IQCE: variants seen among roughly 807,000 people sequenced by gnomAD.
IQCE encodes the protein IQ domain-containing protein E.
IQCE carries 115 observed loss-of-function variants against 96.0 expected under a neutral mutation model. That is an observed-to-expected ratio of 1.20 (90% CI 1.03 to 1.40). The LOEUF is 1.40. Among genes scored for constraint, IQCE ranks in the 40% most tolerant of loss-of-function variants. The pLI, the probability that IQCE is intolerant of heterozygous loss-of-function variation, is 0.00. For synonymous variants in IQCE, 412 were observed against 371.2 expected (o/e 1.11, Z -1.26); for missense variants, 1,041 against 909.1 (o/e 1.15, Z -1.87).
chr7:2,588,414 C>T (rs1269141145), intron 13 of IQCE, among the ~76,000 whole-genome samples: 4 of 150,148 alleles, frequency 2.7e-5, no homozygotes, highest in Non-Finnish European at 5.9e-5. Flanking sequence ...AGTGCAGTGG[C>T]GCGATCTCAG....
At chr7:2,608,354 A>G (rs376491465) in intron 21 of IQCE, among the ~76,000 whole-genome samples, 1 of 152,202 alleles carries the variant, frequency 6.6e-6, no homozygotes, top group East Asian at 1.9e-4. Context: ...GGGTCCCGCT[A>G]GGGGCTGTGT....
intron 21 of IQCE, 122 bp from the exon 22 acceptor site, chr7:2,609,922 C>G: frequency 3.0e-6 from 2 of 656,996 alleles, no homozygotes; most frequent in Admixed American, 4.9e-5. Flanking sequence ...CCATGGCTTA[C>G]TGCTTCTCGG....
chr7:2,606,313 C>T (rs62439498), intron 20 of IQCE, among the ~76,000 whole-genome samples: 15,119 of 152,170 alleles, frequency 0.099, 1,041 homozygotes, highest in Non-Finnish European at 0.14. Context: ...AGTCTGTGGC[C>T]TGGCTTTTGG....
intron 9 of IQCE, among the ~76,000 whole-genome samples, chr7:2,583,055 C>T (rs905705363): frequency 2.6e-5 from 4 of 152,276 alleles, no homozygotes; most frequent in Admixed American, 6.5e-5. Context: ...GCCACACGTC[C>T]ATTGCCTTAT....
chr7:2,614,669 C>G lies in IQCE; in HGVS notation c.*4507C>G, dbSNP rs1467808478. On this transcript the variant is annotated 3_prime_UTR_variant, in exon 22 of 22. Transcript: ENST00000402050. ...TTTTGGAAGGGATAAGGTTTTCATT[C>G]TTGTGCAACTCATTATTCTCATTAT... The G allele has an allele frequency of 6.6e-6, 1 of 152,192 alleles. No homozygotes were observed. Among genetic ancestry groups the G allele is most frequent in the East Asian group, 1.9e-4 (1 of 5,204 alleles). 9.4% of individuals were successfully genotyped at this position (152,192 alleles called of 1,614,324 possible).
intron 15 of IQCE, among the ~76,000 whole-genome samples, chr7:2,593,991 G>A (rs896431180): frequency 6.6e-6 from 1 of 152,366 alleles, no homozygotes; most frequent in Middle Eastern, 3.4e-3. Flanking sequence ...GCCGGGCACA[G>A]TGGCTCATGC....
chr7:2,605,057 T>C lies in IQCE; in HGVS notation c.1743+66T>C. 1.9e-5 allele frequency: 22 copies of C among 1,160,274 alleles called. No homozygotes were observed. The Admixed American group carries it at 3.1e-4, about 16-fold the overall frequency. The allele number at this position is 1,160,274 out of a possible 1,614,324, so 71.9% of individuals were successfully genotyped here. On this transcript the variant is annotated intron_variant, in intron 19 of 21. Coordinates refer to ENST00000402050, the MANE Select transcript of IQCE (RefSeq NM_152558.5). ...AGCTGCTCGTCTCGCACTCCATCCA[T>C]CGAGAAAGCGTAGGGCACCCCTCAG... is the stretch of plus-strand genomic sequence containing the variant.
At chr7:2,604,835 C>T (rs374469755) in intron 18 of IQCE, 46 bp from the exon 19 acceptor site, 20 of 1,460,766 alleles carry the variant, frequency 1.4e-5, no homozygotes, top group African/African-American at 8.4e-5. Flanking sequence ...GCCGTTGCCC[C>T]GGGCACTCAC....
intron 13 of IQCE, 52 bp downstream of exon 13, chr7:2,587,929 G>C: frequency 6.5e-7 from 1 of 1,536,410 alleles, no homozygotes; most frequent in Non-Finnish European, 9.0e-7. Context: ...GCCTCATGCT[G>C]TGGGGACGGG....
intron 16 of IQCE, among the ~76,000 whole-genome samples, chr7:2,595,295 G>A (rs910053792): frequency 6.6e-6 from 1 of 152,188 alleles, no homozygotes; most frequent in Non-Finnish European, 1.5e-5. Context: ...GAGGGGCTTG[G>A]GGGGAAAGGA....
chr7:2,586,494 A>C, intron 12 of IQCE, 123 bp downstream of exon 12: 1 of 1,076,464 alleles, frequency 9.3e-7, no homozygotes, highest in Non-Finnish European at 1.3e-6. Context: ...CCCTTGGGCA[A>C]CGCCAGTTCC....
chr7:2,586,631 A>T (rs910772405), intron 12 of IQCE, among the ~76,000 whole-genome samples: 2 of 152,202 alleles, frequency 1.3e-5, no homozygotes, highest in Admixed American at 6.5e-5. Flanking sequence ...CAGATGCGTG[A>T]CATGTGTCAG....
chr7:2,607,473 C>G, intron 21 of IQCE: 9 of 1,307,352 alleles, frequency 6.9e-6, no homozygotes, highest in Non-Finnish European at 8.7e-6. Context: ...TTTTTGCTCT[C>G]AGCTCCAACA....
chr7:2,593,549 G>A (rs1488950812), intron 15 of IQCE, among the ~76,000 whole-genome samples: 7 of 152,282 alleles, frequency 4.6e-5, no homozygotes, highest in South Asian at 2.1e-4. Flanking sequence ...GGTCGACCAC[G>A]CGTAGGCGCA....
At chr7:2,565,138 G>A (rs1287455587) in intron 1 of IQCE, among the ~76,000 whole-genome samples, 2 of 98,042 alleles carry the variant, frequency 2.0e-5, no homozygotes, top group Non-Finnish European at 2.0e-5. Flanking sequence ...GTGTGAGTGT[G>A]TGTGTGTGTG....
chr7:2,584,148 C>T (rs530787893), intron 10 of IQCE, 88 bp from the exon 11 acceptor site: 14 of 1,141,354 alleles, frequency 1.2e-5, no homozygotes, highest in South Asian at 6.1e-5. Context: ...CCGTAGGCAG[C>T]GGTCAGGACT....
At chr7:2,575,839 C>A (rs1170602216) in intron 6 of IQCE, among the ~76,000 whole-genome samples, 1 of 152,188 alleles carries the variant, frequency 6.6e-6, no homozygotes. Flanking sequence ...CCGTGTCGAT[C>A]GCTGGCCCCC....
chr7:2,575,704 C>T (rs1444105539), intron 6 of IQCE, among the ~76,000 whole-genome samples: 1 of 152,180 alleles, frequency 6.6e-6, no homozygotes, highest in Non-Finnish European at 1.5e-5. Context: ...TCTCCCTGAC[C>T]TCTGGCTGGA....
rs548965253 is a variant in IQCE at position 2,559,013 on chromosome 7, G to T, written c.-169G>T. On this transcript the variant is annotated 5_prime_UTR_variant, in exon 1 of 22. Transcript: ENST00000402050. ...CATGGTCGCCCCAGGGGGAACGCAG[G>T]TCGCTTACCCGGCTGGGTAGGTCGG... 1 of 358,270 alleles carries T rather than the reference G, an allele frequency of 2.8e-6. No homozygotes were observed. The highest frequency in any genetic ancestry group is 4.8e-5 in the Admixed American group (1 of 20,740). The allele number at this position is 358,270 out of a possible 1,614,324, so 22.2% of individuals were successfully genotyped here.
Sources: gnomAD v4.1 joint callset for allele counts (sites outside exome capture counted in the v4.1 genomes callset) on GRCh38, gnomAD v4.1.1 for gene constraint, MANE v1.5 for transcripts, NCBI Gene and HGNC (gene_info 2026-07-23, HGNC 2026-07-21) for gene names.